The following MYCBP variants were observed in gnomAD, a reference collection of about 807,000 sequenced individuals.
The protein encoded by MYCBP is C-Myc-binding protein.
A neutral mutation model predicts 16.8 loss-of-function variants in MYCBP; 5 were observed. The ratio of observed to expected loss-of-function variants is 0.30; its 90% confidence interval spans 0.16 to 0.63. The LOEUF is 0.63. MYCBP is among the 20% of genes least tolerant of loss of function. MYCBP has a pLI of 0.83. For synonymous variants in MYCBP, 35 were observed against 43.7 expected (o/e 0.80, Z 0.79); for missense variants, 103 against 121.8 (o/e 0.85, Z 0.73).
chr1:38,866,044 C>CTTTTTTTTTTTTTTT lies in MYCBP; in HGVS notation c.267+821_267+835dup, dbSNP rs71057153. On this transcript the variant is annotated intron_variant, in intron 4 of 4. Coordinates refer to ENST00000397572, the MANE Select transcript of MYCBP (RefSeq NM_012333.5). Reference sequence around the variant, plus strand: ...TAGTAATACAGGTTCCTAAGAACCTCTTTTTTTTTTTTTTTTTTTTTGAGA... The same window carrying CTTTTTTTTTTTTTTT: ...TAGTAATACAGGTTCCTAAGAACCTCTTTTTTTTTTTTTTTTTTTTTTTTTTTTTTTTTTTTGAGA... 2.5e-3 allele frequency among the ~76,000 whole-genome samples: 163 copies of CTTTTTTTTTTTTTTT among 65,714 alleles called. 34 individuals carry two copies. Among genetic ancestry groups the CTTTTTTTTTTTTTTT allele is most frequent in the African/African-American group, 0.011 (143 of 12,654 alleles). The allele number at this position is 65,714 out of a possible 152,430, so 43.1% of individuals were successfully genotyped here. A position where few individuals can be genotyped will look rare whatever the true frequency, so the allele number is the denominator to read the frequency against.
chr1:38,864,567 T>C lies in MYCBP; in HGVS notation c.*103A>G, dbSNP rs1407493851. ...GAGTGTGATAGGTGAATTAAACATATTAAAAGAGTTCTATAGCATCTGTTC... is the reference window on the plus strand; with the variant it reads ...GAGTGTGATAGGTGAATTAAACATACTAAAAGAGTTCTATAGCATCTGTTC... On this transcript the variant is annotated 3_prime_UTR_variant, in exon 5 of 5. Transcript: ENST00000397572. The C allele has an allele frequency of 5.1e-6, 6 of 1,170,066 alleles. No homozygotes were observed. The highest frequency in any genetic ancestry group is 6.3e-6 in the Non-Finnish European group (5 of 789,908). 72.5% of individuals were successfully genotyped at this position (1,170,066 alleles called of 1,614,324 possible). A position where few individuals can be genotyped will look rare whatever the true frequency, so the allele number is the denominator to read the frequency against.
chr1:38,865,627 C>A (rs1263241835), intron 4 of MYCBP, among the ~76,000 whole-genome samples: 1 of 151,990 alleles, frequency 6.6e-6, no homozygotes, highest in Non-Finnish European at 1.5e-5. Flanking sequence ...CATAATGGGA[C>A]CCCATTTCTA....
intron 2 of MYCBP, among the ~76,000 whole-genome samples, chr1:38,869,368 G>A (rs748729173): frequency 6.6e-5 from 10 of 152,096 alleles, no homozygotes; most frequent in South Asian, 4.1e-4. Flanking sequence ...GATTACAGGT[G>A]TGAGCCACCA....
chr1:38,869,953 G>A (rs748754705), intron 2 of MYCBP, among the ~76,000 whole-genome samples: 1 of 151,984 alleles, frequency 6.6e-6, no homozygotes, highest in Non-Finnish European at 1.5e-5. Context: ...CAGATCATGA[G>A]GTCAAGAGAT....
chr1:38,864,440 C>T lies in MYCBP; in HGVS notation c.*230G>A. On this transcript the variant is annotated 3_prime_UTR_variant, in exon 5 of 5. Coordinates refer to ENST00000397572, the MANE Select transcript of MYCBP (RefSeq NM_012333.5). ...TCTTTTAAGGTAATGAGTTAGATGG[C>T]TGTGTTTAGGTTTTGTTCAGGATTT... The T allele has an allele frequency of 1.8e-6, 1 of 552,730 alleles. No individual in the cohort carries two copies. Among genetic ancestry groups the T allele is most frequent in the Non-Finnish European group, 3.2e-6 (1 of 309,090 alleles). The allele number at this position is 552,730 out of a possible 1,614,324, so 34.2% of individuals were successfully genotyped here.
rs1049440741 is a variant in MYCBP, at chr1:38,863,402, T to A, written c.*1268A>T. 6.6e-6 allele frequency: 1 copy of A among 152,210 alleles called. No homozygotes were observed. The highest frequency in any genetic ancestry group is 1.5e-5 in the Non-Finnish European group (1 of 68,042). The allele number at this position is 152,210 out of a possible 1,614,324, so 9.4% of individuals were successfully genotyped here. A position where few individuals can be genotyped will look rare whatever the true frequency, so the allele number is the denominator to read the frequency against. On this transcript the variant is annotated 3_prime_UTR_variant, in exon 5 of 5. Coordinates refer to ENST00000397572, the MANE Select transcript of MYCBP (RefSeq NM_012333.5). ...AGAATATATGAAATAGGAATATGTCTATAAAACGACAGTCTACCAGTAAGG... is the reference window on the plus strand; with the variant it reads ...AGAATATATGAAATAGGAATATGTCAATAAAACGACAGTCTACCAGTAAGG...
At chr1:38,865,098 TCTTAA>T (rs1570880612) in intron 4 of MYCBP, among the ~76,000 whole-genome samples, 1 of 152,252 alleles carries the variant, frequency 6.6e-6, no homozygotes, top group African/African-American at 2.4e-5. Flanking sequence ...AAGTGACATG[TCTTAA>T]CTTAACCAGC....
intron 2 of MYCBP, among the ~76,000 whole-genome samples, chr1:38,867,864 A>G (rs1033442861): frequency 8.5e-5 from 13 of 152,216 alleles, no homozygotes; most frequent in Admixed American, 2.6e-4. Flanking sequence ...GCACACTGGA[A>G]GAACACCTAA....
In MYCBP at chr1:38,863,310, T is replaced by C. The variant is rs918131259; in HGVS notation, c.*1360A>G. ...CTTTTGCTAGTTAAACCAGTTTTCA[T>C]TGGATCATTTTGTTTTCTATGTGTG... On this transcript the variant is annotated 3_prime_UTR_variant, in exon 5 of 5. Transcript: ENST00000397572. 7.9e-5 allele frequency: 12 copies of C among 152,218 alleles called. No individual in the cohort carries two copies. Among genetic ancestry groups the C allele is most frequent in the Non-Finnish European group, 1.6e-4 (11 of 68,040 alleles). 9.4% of individuals were successfully genotyped at this position (152,218 alleles called of 1,614,324 possible).
At chr1:38,867,434 A>G (rs1029117622) in intron 3 of MYCBP, 128 bp downstream of exon 3, 1 of 818,354 alleles carries the variant, frequency 1.2e-6, no homozygotes, top group Non-Finnish European at 1.9e-6. Context: ...GTGACAGTAC[A>G]AGACTCCGTC....
intron 4 of MYCBP, 133 bp from the exon 5 acceptor site, chr1:38,864,847 C>T (rs1642304894): frequency 1.3e-6 from 1 of 771,308 alleles, no homozygotes; most frequent in East Asian, 2.7e-5. Flanking sequence ...CTATAACTAT[C>T]CATTTTAAAT....
At position 38,873,029 on chromosome 1, in the gene MYCBP, G is replaced by T; in HGVS notation, c.77C>A (p.Thr26Lys). 1 of 1,575,978 alleles carries T rather than the reference G, an allele frequency of 6.3e-7. No individual in the cohort carries two copies. The change falls in exon 2 of 5, where the codon ACG becomes AAG. Residue 26 changes from threonine (T) to lysine (K), a missense_variant. Physicochemically the swap from Thr to Lys is moderately conservative, Grantham distance 78 (BLOSUM62 -1). Transcript: ENST00000397572. ...TAGCCCAGGCTCACCCTTGGTCAGC[G>T]TGTCCAGCACCCCCGACTTCTCCAA... ...RYLEKSGVLDTLTKVLVALYE... is the reference protein window; with the variant it reads ...RYLEKSGVLDKLTKVLVALYE...
intron 2 of MYCBP, among the ~76,000 whole-genome samples, chr1:38,872,091 C>T (rs1228187892): frequency 6.6e-6 from 1 of 152,200 alleles, no homozygotes; most frequent in Non-Finnish European, 1.5e-5. Context: ...CTTCTTTCTT[C>T]TAAGACCCAG....
At chr1:38,866,715 C>T (rs968563996) in intron 4 of MYCBP, among the ~76,000 whole-genome samples, 165 bp downstream of exon 4, 4 of 152,046 alleles carry the variant, frequency 2.6e-5, no homozygotes, top group Non-Finnish European at 5.9e-5. Flanking sequence ...GTGCCAGGCC[C>T]GTCTTGTGGT....
In MYCBP at chr1:38,863,937, G is replaced by C. The variant is rs1263468444; in HGVS notation, c.*733C>G. On this transcript the variant is annotated 3_prime_UTR_variant, in exon 5 of 5. Coordinates refer to ENST00000397572, the MANE Select transcript of MYCBP (RefSeq NM_012333.5). Reference sequence around the variant, plus strand: ...TCAGTAAGCAAATAAGGCAGGCAGGGGGTACAGTGTGATCCTGTTTAAAGT... The same window carrying C: ...TCAGTAAGCAAATAAGGCAGGCAGGCGGTACAGTGTGATCCTGTTTAAAGT... 6.6e-6 allele frequency: 1 copy of C among 152,406 alleles called. No individual in the cohort carries two copies. The highest frequency in any genetic ancestry group is 2.4e-5 in the African/African-American group (1 of 41,434). The allele number at this position is 152,406 out of a possible 1,614,324, so 9.4% of individuals were successfully genotyped here.
chr1:38,865,249 G>A (rs1384911928), intron 4 of MYCBP, among the ~76,000 whole-genome samples: 1 of 152,198 alleles, frequency 6.6e-6, no homozygotes, highest in Admixed American at 6.5e-5. Context: ...AAGAACACTA[G>A]GCTAACATTA....
Position 38,867,594 on chromosome 1 carries a change from A to G in MYCBP, c.105T>C (p.Tyr35=). Residue 35 remains tyrosine, a synonymous_variant, in exon 3 of 5, where the codon TAT becomes TAC. Transcript: ENST00000397572. Reference sequence around the variant, plus strand: ...CACTGTTAGGTTTCTCTGGTTCTTCATATAAGGCTACCAACACTGCAAATC... The same window carrying G: ...CACTGTTAGGTTTCTCTGGTTCTTCGTATAAGGCTACCAACACTGCAAATC... ...DTLTKVLVAL[Y]EEPEKPNSAL... 6.2e-7 allele frequency: 1 copy of G among 1,613,840 alleles called. No individual in the cohort carries two copies. The highest frequency in any genetic ancestry group is 8.5e-7 in the Non-Finnish European group (1 of 1,179,930).
Position 38,866,044 on chromosome 1 carries a change from C to CTTTTTTTTTTTTTTTTT in MYCBP, c.267+819_267+835dup, listed in dbSNP as rs71057153. Reference sequence around the variant, plus strand: ...TAGTAATACAGGTTCCTAAGAACCTCTTTTTTTTTTTTTTTTTTTTTGAGA... The same window carrying CTTTTTTTTTTTTTTTTT: ...TAGTAATACAGGTTCCTAAGAACCTCTTTTTTTTTTTTTTTTTTTTTTTTTTTTTTTTTTTTTTGAGA... On this transcript the variant is annotated intron_variant, in intron 4 of 4. Transcript: ENST00000397572. 4.1e-4 allele frequency among the ~76,000 whole-genome samples: 27 copies of CTTTTTTTTTTTTTTTTT among 65,716 alleles called. 6 individuals are homozygous for CTTTTTTTTTTTTTTTTT. Among genetic ancestry groups the CTTTTTTTTTTTTTTTTT allele is most frequent in the African/African-American group, 1.5e-3 (19 of 12,654 alleles). 43.1% of individuals were successfully genotyped at this position (65,716 alleles called of 152,430 possible). A position where few individuals can be genotyped will look rare whatever the true frequency, so the allele number is the denominator to read the frequency against.
At chr1:38,868,946 T>A (rs1244203635) in intron 2 of MYCBP, among the ~76,000 whole-genome samples, 1 of 152,118 alleles carries the variant, frequency 6.6e-6, no homozygotes, top group East Asian at 1.9e-4. Flanking sequence ...AAAACAGTGA[T>A]AGATATCTAG....
Sources: gnomAD v4.1 joint callset for allele counts (sites outside exome capture counted in the v4.1 genomes callset) on GRCh38, gnomAD v4.1.1 for gene constraint, MANE v1.5 for transcripts, NCBI Gene and HGNC (gene_info 2026-07-23, HGNC 2026-07-21) for gene names.